Variants in ZBTB2 observed in about 807,000 individuals in gnomAD.
The protein encoded by ZBTB2 is zinc finger and BTB domain containing 2.
Under a neutral mutation model 39.5 loss-of-function variants are expected in ZBTB2, and 2 were observed. The ratio of observed to expected loss-of-function variants is 0.05; its 90% CI spans 0.02 to 0.16. The LOEUF is 0.16. Ranked by LOEUF, ZBTB2 falls within the 10% of genes least tolerant of loss-of-function variation. The pLI is 1.00. For missense variants in ZBTB2, 391 were observed against 653.0 expected, an observed-to-expected ratio of 0.60 and a Z score of 4.37; for synonymous variants, 251 against 256.6, an observed-to-expected ratio of 0.98 and a Z score of 0.21.
intron 2 of ZBTB2, among the ~76,000 whole-genome samples, chr6:151,369,228 A>G (rs180920121): frequency 9.8e-4 from 150 of 152,314 alleles, no homozygotes; most frequent in African/African-American, 3.5e-3. Context: ...CTTGGCCCAC[A>G]CTTTAGGCAG....
chr6:151,368,480 G>C (rs1778700562), intron 2 of ZBTB2, among the ~76,000 whole-genome samples: 1 of 150,794 alleles, frequency 6.6e-6, no homozygotes, highest in South Asian at 2.1e-4. Context: ...TTTTGAGACA[G>C]AGTCTCACTC....
chr6:151,367,392 A>T (rs1296746566), intron 2 of ZBTB2, among the ~76,000 whole-genome samples: 4 of 152,162 alleles, frequency 2.6e-5, no homozygotes, highest in Non-Finnish European at 4.4e-5. Flanking sequence ...AAGTGCTGGG[A>T]TTATAGGCGT....
chr6:151,366,079 G>A lies in ZBTB2; in HGVS notation c.987C>T (p.Ile329=), dbSNP rs1321652289. 5.0e-6 allele frequency: 8 copies of A among 1,614,004 alleles called. No homozygotes were observed. In the African/African-American group the frequency reaches 5.3e-5, roughly 11 times the overall value. Residue 329 remains isoleucine (I), a synonymous_variant, in exon 3 of 3, where the codon ATC becomes ATT. Coordinates refer to ENST00000325144, the MANE Select transcript of ZBTB2 (RefSeq NM_020861.3). The surrounding 1 kb of genome is among the most constrained non-coding windows in gnomAD (Gnocchi z 7.1). ...ELQHISDSPI[I]DGQQQSETPP... is the part of the protein sequence containing the mutation. ...GGGTTTCCGACTGCTGCTGCCCATCGATGATGGGAGAATCAGAGATGTGCT... is the reference window on the plus strand; with the variant it reads ...GGGTTTCCGACTGCTGCTGCCCATCAATGATGGGAGAATCAGAGATGTGCT...
chr6:151,385,495 CTTCATT>C (rs1779130863), intron 1 of ZBTB2, among the ~76,000 whole-genome samples: 1 of 152,134 alleles, frequency 6.6e-6, no homozygotes, highest in South Asian at 2.1e-4. Flanking sequence ...TAAGTTCCTC[CTTCATT>C]TTCAGTGTAA....
Position 151,366,197 on chromosome 6 carries a change from C to A in ZBTB2, c.869G>T (p.Arg290Leu), listed in dbSNP as rs372574480. ...PFTSSQQGES[R>L]VPLTLCSNAA... ...ATTGCTACAGAGAGTCAGGGGGACG[C>A]GACTTTCTCCCTGTTGGCTAGATGT... The change falls in exon 3 of 3, where the codon CGC becomes CTC. Residue 290 changes from arginine (R) to leucine (L), a missense_variant. Coordinates refer to ENST00000325144, the MANE Select transcript of ZBTB2 (RefSeq NM_020861.3). The surrounding 1 kb of genome is among the most constrained non-coding windows in gnomAD (Gnocchi z 7.1). 5.1e-5 allele frequency: 83 copies of A among 1,613,982 alleles called. No homozygotes were observed. The highest frequency in any genetic ancestry group is 6.9e-5 in the Non-Finnish European group (82 of 1,180,038).
In ZBTB2 at chr6:151,373,154, C is replaced by CAAAA. The variant is rs58019601; in HGVS notation, c.173+307_173+310dup. On this transcript the variant is annotated intron_variant, in intron 2 of 2. Coordinates refer to ENST00000325144, the MANE Select transcript of ZBTB2 (RefSeq NM_020861.3). ...TAGGCGACAGAGAGAGACTCCGTCT[C>CAAAA]AAAAAAAAAAAAAAAAAAAAAAAAA... 1.3e-3 allele frequency among the ~76,000 whole-genome samples: 36 copies of CAAAA among 27,852 alleles called. 5 individuals are homozygous for CAAAA. Among genetic ancestry groups the CAAAA allele is most frequent in the African/African-American group, 3.1e-3 (27 of 8,596 alleles). 18.3% of individuals were successfully genotyped at this position (27,852 alleles called of 152,430 possible).
chr6:151,388,688 T>C (rs1554338049), intron 1 of ZBTB2, among the ~76,000 whole-genome samples: 1 of 152,212 alleles, frequency 6.6e-6, no homozygotes, highest in Non-Finnish European at 1.5e-5. Context: ...TTTCTATTAT[T>C]TTATATTATC....
intron 2 of ZBTB2, among the ~76,000 whole-genome samples, chr6:151,370,838 G>A (rs1778774180): frequency 6.6e-6 from 1 of 152,182 alleles, no homozygotes. Flanking sequence ...TGCACTAGGA[G>A]GCAGGCAAAG....
chr6:151,383,110 C>T (rs796083747), intron 1 of ZBTB2, among the ~76,000 whole-genome samples: 4 of 151,338 alleles, frequency 2.6e-5, no homozygotes, highest in African/African-American at 7.3e-5. Context: ...TTAGTAGAGA[C>T]GGGGTTTCAC....
At chr6:151,391,124 C>T (rs1312709591) in intron 1 of ZBTB2, among the ~76,000 whole-genome samples, 1 of 149,812 alleles carries the variant, frequency 6.7e-6, no homozygotes, top group Admixed American at 6.6e-5. Flanking sequence ...CGCCTGGCTC[C>T]GGGGGATGGT....
chr6:151,382,052 C>T (rs1003342272), intron 1 of ZBTB2, among the ~76,000 whole-genome samples: 1 of 152,140 alleles, frequency 6.6e-6, no homozygotes, highest in Non-Finnish European at 1.5e-5. Flanking sequence ...ATCTACTGCT[C>T]CTAGGCTACA....
At chr6:151,389,133 C>G (rs951304308) in intron 1 of ZBTB2, among the ~76,000 whole-genome samples, 1 of 152,094 alleles carries the variant, frequency 6.6e-6, no homozygotes, top group African/African-American at 2.4e-5. Flanking sequence ...TTAAAAACTG[C>G]CTTCTTGTCC....
rs1164919839 is a variant in ZBTB2, at chr6:151,364,229, A to T, written c.*1292T>A. ...GATATTCAGTTTTTAACATATACATATACTATAGCTATTAGCTATTCTCCC... is the reference window on the plus strand; with the variant it reads ...GATATTCAGTTTTTAACATATACATTTACTATAGCTATTAGCTATTCTCCC... On this transcript the variant is annotated 3_prime_UTR_variant, in exon 3 of 3. Transcript: ENST00000325144. The T allele has an allele frequency of 2.0e-5, 3 of 152,606 alleles. No homozygotes were observed. The highest frequency in any genetic ancestry group is 2.9e-5 in the Non-Finnish European group (2 of 68,036). 9.5% of individuals were successfully genotyped at this position (152,606 alleles called of 1,614,324 possible). A position where few individuals can be genotyped will look rare whatever the true frequency, so the allele number is the denominator to read the frequency against.
chr6:151,373,550 T>C lies in ZBTB2; in HGVS notation c.88A>G (p.Ile30Val). The C allele has an allele frequency of 6.2e-7, 1 of 1,614,166 alleles. No individual in the cohort carries two copies. Among genetic ancestry groups the C allele is most frequent in the Non-Finnish European group, 8.5e-7 (1 of 1,180,032 alleles). ...TGTGCCTTGAAGTATACATCGCCGA[T>C]TGCAACCGTGCAGTCACACAGGAAA... is the stretch of plus-strand genomic sequence containing the variant. Reference protein sequence around the residue: ...FGFLCDCTVAIGDVYFKAHKS... With the variant: ...FGFLCDCTVAVGDVYFKAHKS... The change falls in exon 2 of 3, where the codon ATC (isoleucine) becomes GTC (valine). Residue 30 changes from isoleucine (I) to valine (V), a missense_variant. By Grantham distance (29) the Ile-to-Val change is conservative (BLOSUM62 3). Coordinates refer to ENST00000325144, the MANE Select transcript of ZBTB2 (RefSeq NM_020861.3).
At chr6:151,390,370 G>A (rs1408801495) in intron 1 of ZBTB2, among the ~76,000 whole-genome samples, 3 of 148,626 alleles carry the variant, frequency 2.0e-5, no homozygotes. Flanking sequence ...CCGTCCCCGA[G>A]GGGCTGAGGG....
intron 1 of ZBTB2, among the ~76,000 whole-genome samples, chr6:151,377,535 AT>A (rs769474299): frequency 0.087 from 8,961 of 103,426 alleles, 345 homozygotes; most frequent in African/African-American, 0.19. Context: ...TGTCTGGCTA[AT>A]TTTTTTTTTT....
chr6:151,381,011 C>T (rs906707617), intron 1 of ZBTB2, among the ~76,000 whole-genome samples: 2 of 152,148 alleles, frequency 1.3e-5, no homozygotes, highest in Admixed American at 1.3e-4. Context: ...CACCCTCTGG[C>T]CAAACCAGAA....
chr6:151,370,943 GCATTT>G (rs1778776054), intron 2 of ZBTB2, among the ~76,000 whole-genome samples: 1 of 152,134 alleles, frequency 6.6e-6, no homozygotes, highest in Non-Finnish European at 1.5e-5. Flanking sequence ...TGTTAGAAAG[GCATTT>G]ATTTACTGCC....
At chr6:151,373,849 A>T (rs1778837788) in intron 1 of ZBTB2, among the ~76,000 whole-genome samples, 200 bp from the exon 2 acceptor site, 1 of 116,660 alleles carries the variant, frequency 8.6e-6, no homozygotes, top group African/African-American at 4.1e-5. Context: ...CCTTTAAAAA[A>T]AAAAAAAAAA....
Sources: gnomAD v4.1 joint callset for allele counts (sites outside exome capture counted in the v4.1 genomes callset) on GRCh38, gnomAD v4.1.1 for gene constraint, Gnocchi (gnomAD v3.1) non-coding constraint, MANE v1.5 for transcripts, NCBI Gene and HGNC (gene_info 2026-07-23, HGNC 2026-07-21) for gene names.